LMBRD2: variants seen among roughly 807,000 people sequenced by gnomAD.
The protein encoded by LMBRD2 is G protein-coupled receptor-associated protein LMBRD2.
A neutral mutation model predicts 94.4 loss-of-function variants in LMBRD2; 55 were observed. The observed-to-expected ratio is 0.58, with a 90% CI of 0.47 to 0.73. The LOEUF is 0.73. Among genes scored for constraint, LMBRD2 ranks in the 30% least tolerant of loss-of-function variants. The probability of loss-of-function intolerance (pLI) is 0.00; values close to 1 mark genes in which losing one functional copy is unlikely to be tolerated. For missense variants in LMBRD2, 640 were observed against 831.9 expected, an observed-to-expected ratio of 0.77 and a Z score of 2.84; for synonymous variants, 246 against 272.4, an observed-to-expected ratio of 0.90 and a Z score of 0.95.
At chr5:36,132,176 G>C (rs1300134421) in intron 6 of LMBRD2, among the ~76,000 whole-genome samples, 1 of 151,946 alleles carries the variant, frequency 6.6e-6, no homozygotes, top group African/African-American at 2.4e-5. Flanking sequence ...ACTCATTTTT[G>C]ACAAGGGCTC....
In LMBRD2 at chr5:36,111,141, A is replaced by C; in HGVS notation, c.1744+14T>G. 1.3e-6 allele frequency: 2 copies of C among 1,484,090 alleles called. No individual in the cohort carries two copies. Among genetic ancestry groups the C allele is most frequent in the Non-Finnish European group, 1.9e-6 (2 of 1,072,756 alleles). 91.9% of individuals were successfully genotyped at this position (1,484,090 alleles called of 1,614,324 possible). A position where few individuals can be genotyped will look rare whatever the true frequency, so the allele number is the denominator to read the frequency against. On this transcript the variant is annotated intron_variant, in intron 14 of 17. Transcript: ENST00000296603. Reference sequence around the variant, plus strand: ...AGTATTTTCCCTTCATTTATTTTAAAAGACAAATCTTACCTTTTCTGATTA... The same window carrying C: ...AGTATTTTCCCTTCATTTATTTTAACAGACAAATCTTACCTTTTCTGATTA...
At chr5:36,111,737 A>C (rs1743612683) in intron 13 of LMBRD2, among the ~76,000 whole-genome samples, 2 of 152,118 alleles carry the variant, frequency 1.3e-5, no homozygotes, top group African/African-American at 4.8e-5. Flanking sequence ...AATATGGAAC[A>C]CAAGGAAGGA....
chr5:36,108,627 G>T lies in LMBRD2; in HGVS notation c.1804C>A (p.Arg602Ser). The T allele has an allele frequency of 6.6e-7, 1 of 1,517,222 alleles. No individual in the cohort carries two copies. Among genetic ancestry groups the T allele is most frequent in the South Asian group, 1.3e-5 (1 of 76,438 alleles). The allele number at this position is 1,517,222 out of a possible 1,614,324, so 94.0% of individuals were successfully genotyped here. The change falls in exon 16 of 18, where the codon CGT (arginine) becomes AGT (serine). Residue 602 changes from arginine (R) to serine (S), a missense_variant. By Grantham distance (110) the Arg-to-Ser change is moderately radical (BLOSUM62 -1). Transcript: ENST00000296603. The stretch of plus-strand genomic sequence containing the variant: ...GAATCTTCTCTATTGTGTCCATAAC[G>T]TTCTTTCCATTCCTAGAAAAGAAGC... The part of the protein sequence containing the change: ...GENRRREWKE[R>S]YGHNREDSTR...
intron 15 of LMBRD2, among the ~76,000 whole-genome samples, chr5:36,109,218 G>A (rs2111845671): frequency 6.6e-6 from 1 of 152,146 alleles, no homozygotes; most frequent in African/African-American, 2.4e-5. Flanking sequence ...CTTGCCAGAT[G>A]CTTTTTGGCT....
At position 36,122,832 on chromosome 5, in the gene LMBRD2, T is replaced by A. The variant is rs1245592267; in HGVS notation, c.936+16A>T. Reference sequence around the variant, plus strand: ...AAATCATCATTAAGTAAAATACTTATAATTAACAAAGTTACCTGTTTATGC... The same window carrying A: ...AAATCATCATTAAGTAAAATACTTAAAATTAACAAAGTTACCTGTTTATGC... On this transcript the variant is annotated intron_variant, in intron 8 of 17. Transcript: ENST00000296603. 6.3e-7 allele frequency: 1 copy of A among 1,586,974 alleles called. No homozygotes were observed. The highest frequency in any genetic ancestry group is 8.5e-7 in the Non-Finnish European group (1 of 1,171,308).
chr5:36,143,270 A>G lies in LMBRD2; in HGVS notation c.80T>C (p.Phe27Ser), dbSNP rs1744461461. 6.2e-7 allele frequency: 1 copy of G among 1,612,782 alleles called. No individual in the cohort carries two copies. Among genetic ancestry groups the G allele is most frequent in the African/African-American group, 1.3e-5 (1 of 75,016 alleles). ...ALFLLHRYGD[F>S]KKQHRLVIIG... ...AATCACAAGTCTATGCTGTTTCTTA[A>G]AGTCTCCATATCGATGAAGCAGAAA... Residue 27 changes from phenylalanine (F) to serine (S), a missense_variant, in exon 2 of 18, where the codon TTT becomes TCT. By Grantham distance (155) the Phe-to-Ser change is radical. This residue lies in a region of LMBRD2 where 457 missense variants were observed against 642.8 expected (regional missense o/e 0.71). Transcript: ENST00000296603.
intron 6 of LMBRD2, among the ~76,000 whole-genome samples, chr5:36,128,530 G>A (rs1744060666): frequency 6.6e-6 from 1 of 152,074 alleles, no homozygotes; most frequent in Non-Finnish European, 1.5e-5. Flanking sequence ...AGAACAGCCT[G>A]GGCAACATGG....
At chr5:36,112,746 AT>A (rs1743642502) in intron 13 of LMBRD2, among the ~76,000 whole-genome samples, 1 of 152,276 alleles carries the variant, frequency 6.6e-6, no homozygotes, top group South Asian at 2.1e-4. Context: ...TCTGCCCCAT[AT>A]CACTTGATCT....
At chr5:36,104,709 C>T (rs1047528590) in intron 17 of LMBRD2, among the ~76,000 whole-genome samples, 15 of 152,018 alleles carry the variant, frequency 9.9e-5, no homozygotes, top group African/African-American at 3.4e-4. Context: ...CACTGCTATG[C>T]AGCAGTTACT....
At chr5:36,146,536 AT>A (rs1429881798) in intron 1 of LMBRD2, among the ~76,000 whole-genome samples, 5 of 152,112 alleles carry the variant, frequency 3.3e-5, no homozygotes, top group Non-Finnish European at 1.5e-5. Context: ...CGCCTGGCTA[AT>A]TTTAAAAAAA....
chr5:36,107,836 T>C (rs1357159810), intron 16 of LMBRD2, among the ~76,000 whole-genome samples: 2 of 152,086 alleles, frequency 1.3e-5, no homozygotes, highest in African/African-American at 4.8e-5. Context: ...AGTGCTCAGT[T>C]TTTCTCCTCC....
rs1194841139 is a variant in LMBRD2 at position 36,151,500 on chromosome 5, A to T, written c.-58+56T>A. ...GCCGCCTTCTCCCCGACGGAGGAAG[A>T]AGCTTCCTGGCAAAAGGACGAACAG... On this transcript the variant is annotated intron_variant, in intron 1 of 17. Transcript: ENST00000296603. The surrounding 1 kb of genome is among the most constrained non-coding windows in gnomAD (Gnocchi z 4.7). The T allele has an allele frequency of 6.6e-6, 1 of 152,398 alleles. No homozygotes were observed. Among genetic ancestry groups the T allele is most frequent in the Admixed American group, 6.5e-5 (1 of 15,292 alleles). 9.4% of individuals were successfully genotyped at this position (152,398 alleles called of 1,614,324 possible).
At chr5:36,144,347 T>C (rs181174854) in intron 1 of LMBRD2, among the ~76,000 whole-genome samples, 1 of 152,300 alleles carries the variant, frequency 6.6e-6, no homozygotes, top group Admixed American at 6.5e-5. Context: ...TTTCAAGGAA[T>C]TGATTAATAT....
chr5:36,123,975 AT>A (rs1042329844), intron 7 of LMBRD2, among the ~76,000 whole-genome samples: 1 of 152,074 alleles, frequency 6.6e-6, no homozygotes, highest in African/African-American at 2.4e-5. Flanking sequence ...CTCAACCTCT[AT>A]CTCCATATTT....
rs1010164636 is a variant in LMBRD2 at position 36,100,224 on chromosome 5, G to T, written c.*3822C>A. 3.3e-5 allele frequency: 5 copies of T among 151,280 alleles called. No homozygotes were observed. Among genetic ancestry groups the T allele is most frequent in the Non-Finnish European group, 7.4e-5 (5 of 67,442 alleles). The allele number at this position is 151,280 out of a possible 1,614,324, so 9.4% of individuals were successfully genotyped here. Reference sequence around the variant, plus strand: ...AGAATCTAAATAAATCTTAAATTTTGGGGGGGAAATCTATTTTTATGTAAA... The same window carrying T: ...AGAATCTAAATAAATCTTAAATTTTTGGGGGGAAATCTATTTTTATGTAAA... On this transcript the variant is annotated 3_prime_UTR_variant, in exon 18 of 18. Transcript: ENST00000296603.
chr5:36,113,275 C>T (rs1460356578), intron 13 of LMBRD2, among the ~76,000 whole-genome samples: 3 of 152,020 alleles, frequency 2.0e-5, no homozygotes, highest in African/African-American at 7.3e-5. Context: ...TGCATACAGC[C>T]CCCAGTCACG....
chr5:36,116,498 A>T lies in LMBRD2; in HGVS notation c.1398T>A (p.His466Gln). The change falls in exon 11 of 18, where the codon CAT becomes CAA. Residue 466 changes from histidine (H) to glutamine (Q), a missense_variant. Coordinates refer to ENST00000296603, the MANE Select transcript of LMBRD2 (RefSeq NM_001007527.2). ...RVFNYYYLAS[H>Q]HQTDAYSLLF... is the part of the protein sequence containing the mutation. ...GAAGGCTATAAGCATCAGTCTGGTG[A>T]TGTGAGGCCAAATAATAATAGTTAA... 1 of 1,613,262 alleles carries T rather than the reference A, an allele frequency of 6.2e-7. No individual in the cohort carries two copies. The highest frequency in any genetic ancestry group is 8.5e-7 in the Non-Finnish European group (1 of 1,179,292).
At chr5:36,149,634 C>T (rs555609042) in intron 1 of LMBRD2, among the ~76,000 whole-genome samples, 3 of 152,286 alleles carry the variant, frequency 2.0e-5, no homozygotes, top group East Asian at 1.9e-4. Flanking sequence ...CGGCTGGGCA[C>T]GGAGGCTCAC....
At chr5:36,113,685 A>G (rs899764858) in intron 13 of LMBRD2, among the ~76,000 whole-genome samples, 5 of 152,186 alleles carry the variant, frequency 3.3e-5, no homozygotes, top group South Asian at 2.1e-4. Context: ...TTCTCAGAAG[A>G]GTAAGCAATG....
Sources: allele counts gnomAD v4.1 joint callset (sites outside exome capture counted in the v4.1 genomes callset), GRCh38; gene constraint gnomAD v4.1.1; regional missense constraint gnomAD v4.1.1; non-coding constraint Gnocchi (gnomAD v3.1); transcripts MANE v1.5; gene names NCBI Gene and HGNC (gene_info 2026-07-23, HGNC 2026-07-21).